The following DCAF6 variants were observed in gnomAD, a reference collection of about 807,000 sequenced individuals.
DCAF6 encodes the protein DDB1 and CUL4 associated factor 6, also known as DDB1- and CUL4-associated factor 6.
DCAF6 carries 54 observed loss-of-function variants against 125.1 expected under a neutral mutation model. The ratio of observed to expected loss-of-function variants is 0.43; its 90% confidence interval spans 0.35 to 0.54. The LOEUF is 0.54. DCAF6 is among the 20% of genes least tolerant of loss of function. The probability of loss-of-function intolerance (pLI) is 0.01; values close to 1 mark genes in which losing one functional copy is unlikely to be tolerated. For missense variants in DCAF6, 934 were observed against 1,161.7 expected (o/e 0.80, Z 2.85); for synonymous variants, 371 against 390.4 (o/e 0.95, Z 0.58).
At chr1:168,027,120 A>G (rs1240179677) in intron 12 of DCAF6, among the ~76,000 whole-genome samples, 4 of 152,124 alleles carry the variant, frequency 2.6e-5, no homozygotes, top group East Asian at 3.8e-4. Context: ...AAATTTGGCA[A>G]CGTGATTGCT....
upstream of DCAF6, chr1:167,936,140 T>C (rs1038322076): frequency 8.0e-6 from 3 of 376,928 alleles, no homozygotes; most frequent in East Asian, 1.2e-4. Flanking sequence ...TCACCAAGTC[T>C]GCGCTGCGCC....
chr1:167,999,270 C>T (rs1392189421), intron 7 of DCAF6, among the ~76,000 whole-genome samples: 1 of 152,160 alleles, frequency 6.6e-6, no homozygotes, highest in African/African-American at 2.4e-5. Context: ...GATGTGCCCT[C>T]ATCCAGGCTT....
chr1:167,952,066 T>C (rs1173061592), intron 2 of DCAF6, among the ~76,000 whole-genome samples: 5 of 152,204 alleles, frequency 3.3e-5, no homozygotes, highest in Non-Finnish European at 7.3e-5. Flanking sequence ...TCTAATATTA[T>C]CGAAAGGCTT....
chr1:167,978,237 G>A (rs1678553495), intron 4 of DCAF6, among the ~76,000 whole-genome samples: 1 of 152,168 alleles, frequency 6.6e-6, no homozygotes, highest in Non-Finnish European at 1.5e-5. Context: ...TGTATACTTA[G>A]CAGTAAAATT....
intron 10 of DCAF6, among the ~76,000 whole-genome samples, chr1:168,006,679 A>G (rs12077027): frequency 0.03 from 4,560 of 152,306 alleles, 236 homozygotes; most frequent in African/African-American, 0.1. Flanking sequence ...AATGTAGTAG[A>G]TGGAAATGTC....
intron 16 of DCAF6, among the ~76,000 whole-genome samples, chr1:168,045,971 C>T (rs115348578): frequency 0.01 from 1,534 of 152,068 alleles, 13 homozygotes; most frequent in Non-Finnish European, 0.016. Flanking sequence ...TCCTAGTTTA[C>T]AAAGGAGTGA....
At chr1:167,863,689 G>T in the DCAF6 span, among the ~76,000 whole-genome samples, 8 of 152,206 alleles carry the variant, frequency 5.3e-5, no homozygotes, top group African/African-American at 1.9e-4. Context: ...CAGCCAGAGT[G>T]ACGCGGATCC....
intron 7 of DCAF6, among the ~76,000 whole-genome samples, chr1:167,997,500 T>C (rs1681901298): frequency 6.6e-6 from 1 of 150,848 alleles, no homozygotes; most frequent in Non-Finnish European, 1.5e-5. Flanking sequence ...ATATGGAATT[T>C]ATGGGGATTT....
At chr1:168,057,956 C>T (rs1691100144) in intron 17 of DCAF6, among the ~76,000 whole-genome samples, 1 of 152,204 alleles carries the variant, frequency 6.6e-6, no homozygotes, top group Non-Finnish European at 1.5e-5. Context: ...CTGCCTACCA[C>T]GCCAGTGGTA....
the DCAF6 span, chr1:167,883,597 G>C: frequency 2.5e-6 from 4 of 1,614,244 alleles, no homozygotes; most frequent in South Asian, 1.1e-5. Context: ...GCGAAGCTCA[G>C]ATAAATAGCC....
chr1:167,892,014 C>T, the DCAF6 span, among the ~76,000 whole-genome samples: 1 of 151,124 alleles, frequency 6.6e-6, no homozygotes, highest in African/African-American at 2.4e-5. Context: ...TGCTCTGTCC[C>T]CAAGGCTGGA....
At chr1:168,059,694 G>A (rs1007361021) in intron 17 of DCAF6, among the ~76,000 whole-genome samples, 8 of 152,066 alleles carry the variant, frequency 5.3e-5, no homozygotes, top group African/African-American at 1.9e-4. Context: ...CGCCTAGGCT[G>A]GATTGCAGTG....
intron 3 of DCAF6, among the ~76,000 whole-genome samples, chr1:167,970,192 C>T (rs1488190565): frequency 6.6e-6 from 1 of 152,082 alleles, no homozygotes; most frequent in African/African-American, 2.4e-5. Flanking sequence ...ACTTGGGTAC[C>T]AAAGGAATGA....
the DCAF6 span, among the ~76,000 whole-genome samples, chr1:167,911,623 A>G: frequency 6.6e-6 from 1 of 152,220 alleles, no homozygotes; most frequent in Non-Finnish European, 1.5e-5. Context: ...TGAACGTGTC[A>G]GGTTATAAAT....
At position 168,013,885 on chromosome 1, in the gene DCAF6, G is replaced by A. The variant is rs568369188; in HGVS notation, c.1379-1896G>A. Among the ~76,000 whole-genome samples, 4 of 152,042 alleles carry A rather than the reference G, an allele frequency of 2.6e-5. No homozygotes were observed. The East Asian group carries it at 7.7e-4, about 29-fold the overall frequency. ...CTCAGCCTCCCGAGGGGCCACAAGT[G>A]TGCATCACCATGCCTGGCTAATTTT... On this transcript the variant is annotated intron_variant, in intron 10 of 21. Coordinates refer to ENST00000367840, the MANE Select transcript of DCAF6 (RefSeq NM_001198956.2).
At chr1:167,926,902 A>C in the DCAF6 span, among the ~76,000 whole-genome samples, 1 of 152,200 alleles carries the variant, frequency 6.6e-6, no homozygotes, top group South Asian at 2.1e-4. Context: ...GCCTTAAAAA[A>C]CAAACAAAAA....
At chr1:168,001,947 A>G (rs1419094421) in intron 7 of DCAF6, among the ~76,000 whole-genome samples, 1 of 152,142 alleles carries the variant, frequency 6.6e-6, no homozygotes, top group Admixed American at 6.6e-5. Flanking sequence ...TTAAGAGGGC[A>G]AGAATGAGGG....
In DCAF6 at chr1:167,974,998, T is replaced by C; in HGVS notation, c.421T>C (p.Tyr141His). 1 of 1,597,358 alleles carries C rather than the reference T, an allele frequency of 6.3e-7. No individual in the cohort carries two copies. The highest frequency in any genetic ancestry group is 8.5e-7 in the Non-Finnish European group (1 of 1,173,276). Residue 141 changes from tyrosine to histidine, a missense_variant, in exon 4 of 22, where the codon TAT (tyrosine) becomes CAT (histidine). Tyr to His is a moderately conservative substitution (Grantham distance 83). Around this residue, in one of 5 missense-constraint regions of DCAF6, gnomAD observed 309 missense variants for 381.2 expected, o/e 0.81. Transcript: ENST00000367840. ...TNRQCQFTCH[Y>H]GTTYEIMTVP... ...CAGACAATGCCAATTTACGTGTCAT[T>C]ATGGAACTACTTATGAGGTATGGTA... is the stretch of plus-strand genomic sequence containing the variant.
chr1:168,022,542 C>T (rs1002666479), intron 11 of DCAF6, among the ~76,000 whole-genome samples: 10 of 152,054 alleles, frequency 6.6e-5, no homozygotes, highest in African/African-American at 2.4e-4. Context: ...CTTGTTCAGC[C>T]CACAGTACAG....
Sources: allele counts gnomAD v4.1 joint callset (sites outside exome capture counted in the v4.1 genomes callset), GRCh38; gene constraint gnomAD v4.1.1; regional missense constraint gnomAD v4.1.1; transcripts MANE v1.5; gene names NCBI Gene and HGNC (gene_info 2026-07-23, HGNC 2026-07-21).